Variants in SEC24A observed in about 807,000 individuals in gnomAD.
SEC24A encodes protein transport protein Sec24A.
SEC24A carries 93 observed loss-of-function variants against 129.4 expected under a neutral mutation model. That is an observed-to-expected ratio of 0.72 (90% confidence interval 0.61 to 0.85). The LOEUF (loss-of-function observed/expected upper bound fraction) is 0.85. Ranked by LOEUF, SEC24A falls within the 40% of genes least tolerant of loss-of-function variation. SEC24A has a pLI of 0.00. For missense variants in SEC24A, 1,264 were observed against 1,307.4 expected, an observed-to-expected ratio of 0.97 and a Z score of 0.51; for synonymous variants, 460 against 467.3, an observed-to-expected ratio of 0.98 and a Z score of 0.20.
At chr5:134,664,234 A>AT (rs796499132) in intron 2 of SEC24A, among the ~76,000 whole-genome samples, 46 of 151,688 alleles carry the variant, frequency 3.0e-4, no homozygotes, top group African/African-American at 1.1e-3. Flanking sequence ...CAAATTCCTC[A>AT]TTTTTTTTCT....
intron 2 of SEC24A, among the ~76,000 whole-genome samples, chr5:134,665,120 A>G (rs1750612622): frequency 6.6e-6 from 1 of 151,678 alleles, no homozygotes; most frequent in African/African-American, 2.4e-5. Context: ...TTTCAACTTG[A>G]TACTGGAGTA....
rs1467170350 is a variant in SEC24A at position 134,675,205 on chromosome 5, A to G, written c.1139A>G (p.Asn380Ser). The G allele has an allele frequency of 1.2e-6, 2 of 1,610,564 alleles. No homozygotes were observed. Among genetic ancestry groups the G allele is most frequent in the Non-Finnish European group, 1.7e-6 (2 of 1,177,556 alleles). ...PNLHEDIQKL[N>S]CNPELFRCTL... ...TTGCATGAAGACATCCAGAAACTCAACTGTAACCCAGAGTAAGGCTTCAGA... is the reference window on the plus strand; with the variant it reads ...TTGCATGAAGACATCCAGAAACTCAGCTGTAACCCAGAGTAAGGCTTCAGA... The change falls in exon 6 of 23, where the codon AAC becomes AGC. Residue 380 changes from asparagine (N) to serine (S), a missense_variant. Asn to Ser is a conservative substitution (Grantham distance 46, BLOSUM62 1). Transcript: ENST00000398844.
chr5:134,649,810 C>T (rs2150063843), intron 1 of SEC24A, among the ~76,000 whole-genome samples: 2 of 152,320 alleles, frequency 1.3e-5, no homozygotes, highest in Middle Eastern at 6.8e-3. Flanking sequence ...CAAGAGTCTA[C>T]ATGTACATTA....
intron 11 of SEC24A, among the ~76,000 whole-genome samples, chr5:134,689,153 A>G (rs1421608584): frequency 2.6e-5 from 4 of 152,246 alleles, no homozygotes; most frequent in South Asian, 4.1e-4. Context: ...CTTAAGAGCT[A>G]TAAGTATAAA....
rs115238775 is a variant in SEC24A, at chr5:134,673,782, G to A, written c.818-833G>A. On this transcript the variant is annotated intron_variant, in intron 4 of 22. Transcript: ENST00000398844. Reference sequence around the variant, plus strand: ...GCCGACATGAAAGTAAATTAACTGTGCAAACTAGTTTTTGTGTCTACTACT... The same window carrying A: ...GCCGACATGAAAGTAAATTAACTGTACAAACTAGTTTTTGTGTCTACTACT... 3.3e-3 allele frequency among the ~76,000 whole-genome samples: 509 copies of A among 152,222 alleles called. 4 individuals carry two copies. The highest frequency in any genetic ancestry group is 0.012 in the African/African-American group (487 of 41,536).
chr5:134,699,600 A>G (rs1751940320), intron 15 of SEC24A, among the ~76,000 whole-genome samples: 1 of 150,050 alleles, frequency 6.7e-6, no homozygotes, highest in Non-Finnish European at 1.5e-5. Context: ...CACCTGGCCC[A>G]TTTTATCCAT....
At chr5:134,649,258 G>A in intron 1 of SEC24A, 85 bp downstream of exon 1, 1 of 1,009,494 alleles carries the variant, frequency 9.9e-7, no homozygotes, top group South Asian at 1.6e-5. Flanking sequence ...GACATAGATA[G>A]AGAGAGTGAC....
At chr5:134,674,509 C>T in intron 4 of SEC24A, 106 bp from the exon 5 acceptor site, 1 of 992,554 alleles carries the variant, frequency 1.0e-6, no homozygotes, top group Non-Finnish European at 1.5e-6. Flanking sequence ...TGCACTGCAG[C>T]CTGGGCAATA....
chr5:134,721,333 G>A (rs1752620988), intron 21 of SEC24A, among the ~76,000 whole-genome samples: 5 of 151,936 alleles, frequency 3.3e-5, no homozygotes, highest in Admixed American at 2.6e-4. Context: ...GGGAGGCCAG[G>A]GCGGGCTGAT....
rs539421752 is a variant in SEC24A at position 134,680,435 on chromosome 5, C to T, written c.1381+707C>T. Among the ~76,000 whole-genome samples the T allele has an allele frequency of 1.1e-4, 17 of 152,154 alleles. No individual in the cohort carries two copies. In the East Asian group the frequency reaches 2.3e-3, roughly 21 times the overall value. ...GCAACCTCCGCCTCCCAGGTTCAAG[C>T]GATTCTCCTGCCTCAGCCTCCTGAG... is the stretch of plus-strand genomic sequence containing the variant. On this transcript the variant is annotated intron_variant, in intron 8 of 22. Coordinates refer to ENST00000398844, the MANE Select transcript of SEC24A (RefSeq NM_021982.3).
intron 15 of SEC24A, among the ~76,000 whole-genome samples, chr5:134,701,922 G>C (rs1226252422): frequency 6.6e-6 from 1 of 152,068 alleles, no homozygotes; most frequent in East Asian, 1.9e-4. Flanking sequence ...CTCTAGAAAA[G>C]TTAACACAGA....
At chr5:134,718,205 G>T (rs1331636199) in intron 20 of SEC24A, 32 bp downstream of exon 20, 2 of 1,411,120 alleles carry the variant, frequency 1.4e-6, no homozygotes, top group Admixed American at 1.7e-5. Flanking sequence ...GACCCTCACT[G>T]CAAACTACTA....
chr5:134,662,963 G>T (rs961638718), intron 2 of SEC24A, among the ~76,000 whole-genome samples: 1 of 151,942 alleles, frequency 6.6e-6, no homozygotes, highest in South Asian at 2.1e-4. Flanking sequence ...GTGCCACTGC[G>T]CTCCGGCCTA....
rs1488569649 is a variant in SEC24A at position 134,697,198 on chromosome 5, G to A, written c.2059G>A (p.Val687Ile). 2.5e-6 allele frequency: 4 copies of A among 1,605,710 alleles called. No individual in the cohort carries two copies. The South Asian group carries it at 3.3e-5, about 13-fold the overall frequency. ...ALDCSGQQVA[V>I]DLFLLSGQYS... ...GGACTGTTCTGGTCAGCAAGTTGCTGTTGACTTATTCCTTCTCAGTGGACA... is the reference window on the plus strand; with the variant it reads ...GGACTGTTCTGGTCAGCAAGTTGCTATTGACTTATTCCTTCTCAGTGGACA... Residue 687 changes from valine (V) to isoleucine (I), a missense_variant, in exon 14 of 23, where the codon GTT (valine) becomes ATT (isoleucine). Transcript: ENST00000398844.
At chr5:134,666,329 G>T (rs1007672781) in intron 2 of SEC24A, among the ~76,000 whole-genome samples, 1 of 152,150 alleles carries the variant, frequency 6.6e-6, no homozygotes, top group African/African-American at 2.4e-5. Context: ...GCCAAGGCGG[G>T]CGAATCACCT....
intron 2 of SEC24A, 109 bp downstream of exon 2, chr5:134,661,695 T>A: frequency 2.2e-6 from 2 of 902,924 alleles, no homozygotes; most frequent in South Asian, 1.8e-5. Flanking sequence ...ATGTGACTTT[T>A]AAAATTATTA....
intron 18 of SEC24A, 62 bp from the exon 19 acceptor site, chr5:134,714,962 A>G: frequency 6.7e-7 from 1 of 1,483,986 alleles, no homozygotes; most frequent in Non-Finnish European, 9.2e-7. Context: ...TGGCATTTTA[A>G]AAGTTCTGGA....
chr5:134,684,546 C>G (rs1751385155), intron 9 of SEC24A, among the ~76,000 whole-genome samples: 2 of 151,896 alleles, frequency 1.3e-5, no homozygotes. Flanking sequence ...AACCCCATCT[C>G]TATTAAAAAT....
chr5:134,680,210 T>C (rs1040679768), intron 8 of SEC24A, among the ~76,000 whole-genome samples: 1 of 152,148 alleles, frequency 6.6e-6, no homozygotes, highest in African/African-American at 2.4e-5. Context: ...TATGTCACAG[T>C]TTTTATTTGA....
Sources: gnomAD v4.1 joint callset for allele counts (sites outside exome capture counted in the v4.1 genomes callset) on GRCh38, gnomAD v4.1.1 for gene constraint, MANE v1.5 for transcripts, NCBI Gene and HGNC (gene_info 2026-07-23, HGNC 2026-07-21) for gene names.